CPA6: variants seen among roughly 807,000 people sequenced by gnomAD.
The protein encoded by CPA6 is carboxypeptidase B.
Under a neutral mutation model 63.3 loss-of-function variants are expected in CPA6, and 58 were observed. The observed-to-expected ratio is 0.92, with a 90% confidence interval of 0.74 to 1.14. CPA6 has a LOEUF of 1.14. Among genes scored for constraint, CPA6 ranks in the 50% most tolerant of loss-of-function variants. The pLI, the probability that CPA6 is intolerant of heterozygous loss-of-function variation, is 0.00. For missense variants in CPA6, 565 were observed against 526.6 expected, an observed-to-expected ratio of 1.07 and a Z score of -0.71; for synonymous variants, 185 against 179.0, an observed-to-expected ratio of 1.03 and a Z score of -0.27.
intron 1 of CPA6, among the ~76,000 whole-genome samples, chr8:67,679,271 C>G (rs764511884): frequency 3.9e-5 from 6 of 152,176 alleles, no homozygotes; most frequent in Non-Finnish European, 7.3e-5. Flanking sequence ...TATATATGTT[C>G]TATCTATCAC....
intron 8 of CPA6, among the ~76,000 whole-genome samples, chr8:67,445,289 A>G (rs942907416): frequency 2.6e-5 from 4 of 152,158 alleles, no homozygotes; most frequent in Admixed American, 6.5e-5. Context: ...ATGAAAAAAG[A>G]AAAAGAGGGA....
At chr8:67,487,175 G>A (rs1811497356) in intron 6 of CPA6, among the ~76,000 whole-genome samples, 1 of 151,988 alleles carries the variant, frequency 6.6e-6, no homozygotes. Flanking sequence ...ATTTACATTA[G>A]GTGTTTCTCC....
intron 2 of CPA6, among the ~76,000 whole-genome samples, chr8:67,520,610 G>C (rs1179533969): frequency 6.6e-6 from 1 of 152,158 alleles, no homozygotes; most frequent in Non-Finnish European, 1.5e-5. Flanking sequence ...ATTACCATCT[G>C]AGATTTATAA....
At chr8:67,590,470 C>T (rs57116999) in intron 2 of CPA6, among the ~76,000 whole-genome samples, 1 of 151,768 alleles carries the variant, frequency 6.6e-6, no homozygotes, top group African/African-American at 2.4e-5. Flanking sequence ...GCCACACTGA[C>T]TTCCACAATG....
chr8:67,446,937 TA>T (rs1810432081), intron 8 of CPA6, among the ~76,000 whole-genome samples: 1 of 152,040 alleles, frequency 6.6e-6, no homozygotes, highest in African/African-American at 2.4e-5. Context: ...CAAGTACACA[TA>T]TGTACTCACA....
chr8:67,610,970 G>C (rs553160077), intron 2 of CPA6, among the ~76,000 whole-genome samples: 4 of 151,954 alleles, frequency 2.6e-5, no homozygotes, highest in Non-Finnish European at 5.9e-5. Flanking sequence ...ATTTAGCAGA[G>C]TATTTAGCAC....
chr8:67,425,986 C>T (rs949132652), intron 10 of CPA6, among the ~76,000 whole-genome samples: 1 of 151,258 alleles, frequency 6.6e-6, no homozygotes, highest in Non-Finnish European at 1.5e-5. Flanking sequence ...AATCTCTGCT[C>T]CTGGGGTTCA....
intron 1 of CPA6, among the ~76,000 whole-genome samples, chr8:67,716,133 G>A (rs1817373174): frequency 7.5e-6 from 1 of 133,468 alleles, no homozygotes; most frequent in Admixed American, 7.8e-5. Flanking sequence ...CAGCCTGGGC[G>A]AGAGAGTGAG....
At chr8:67,424,669 A>G (rs1026447400) in intron 10 of CPA6, among the ~76,000 whole-genome samples, 1 of 152,202 alleles carries the variant, frequency 6.6e-6, no homozygotes, top group Non-Finnish European at 1.5e-5. Context: ...CTTTTGCTTT[A>G]GAACCCGAGG....
intron 1 of CPA6, among the ~76,000 whole-genome samples, chr8:67,628,799 C>T (rs181938347): frequency 1.7e-3 from 256 of 152,276 alleles, no homozygotes; most frequent in Non-Finnish European, 2.7e-3. Flanking sequence ...AAGTTAAGTT[C>T]CTATGGGCAT....
intron 6 of CPA6, among the ~76,000 whole-genome samples, chr8:67,500,094 C>T (rs1359454305): frequency 1.3e-5 from 2 of 152,122 alleles, no homozygotes; most frequent in Non-Finnish European, 2.9e-5. Flanking sequence ...ATAGCTCTAC[C>T]GTTTTACATT....
intron 1 of CPA6, among the ~76,000 whole-genome samples, chr8:67,625,623 T>C (rs972187735): frequency 1.3e-4 from 20 of 152,232 alleles, no homozygotes; most frequent in Admixed American, 1.2e-3. Context: ...TGAGAGTAAT[T>C]GGCTTCCAGA....
At chr8:67,613,837 C>T (rs759283401) in intron 2 of CPA6, among the ~76,000 whole-genome samples, 6 of 152,114 alleles carry the variant, frequency 3.9e-5, no homozygotes, top group African/African-American at 1.2e-4. Context: ...CCCTGAACAC[C>T]AGGCTTCAGA....
intron 8 of CPA6, among the ~76,000 whole-genome samples, chr8:67,452,814 T>C (rs1810584203): frequency 6.6e-6 from 1 of 152,144 alleles, no homozygotes; most frequent in Non-Finnish European, 1.5e-5. Context: ...GATGCTGGCT[T>C]TTGAGCAGAC....
At chr8:67,527,257 T>G (rs1252607396) in intron 2 of CPA6, among the ~76,000 whole-genome samples, 1 of 152,256 alleles carries the variant, frequency 6.6e-6, no homozygotes, top group Admixed American at 6.5e-5. Flanking sequence ...CATTTACATT[T>G]AAAAATTCTG....
chr8:67,583,087 T>C (rs369750213), intron 2 of CPA6, among the ~76,000 whole-genome samples: 2 of 151,598 alleles, frequency 1.3e-5, no homozygotes, highest in South Asian at 2.1e-4. Flanking sequence ...GTTTGGTGAA[T>C]AGTTTAGCAC....
chr8:67,675,858 T>C (rs866301473), intron 1 of CPA6, among the ~76,000 whole-genome samples: 14 of 152,280 alleles, frequency 9.2e-5, no homozygotes, highest in Middle Eastern at 3.4e-3. Flanking sequence ...TTTTAAGAGA[T>C]GGAGTCTCAC....
intron 1 of CPA6, among the ~76,000 whole-genome samples, chr8:67,728,079 A>C (rs1042669456): frequency 3.4e-5 from 3 of 88,630 alleles, no homozygotes; most frequent in African/African-American, 2.8e-4. Context: ...CTCTGTCTCA[A>C]AAAAAAAAAA....
intron 1 of CPA6, among the ~76,000 whole-genome samples, chr8:67,641,562 T>C (rs1156948060): frequency 2.0e-5 from 3 of 152,166 alleles, no homozygotes; most frequent in African/African-American, 2.4e-5. Flanking sequence ...GTAACAAAGG[T>C]ATAAGCTAAA....
Sources: gnomAD v4.1 joint callset for allele counts (sites outside exome capture counted in the v4.1 genomes callset) on GRCh38, gnomAD v4.1.1 for gene constraint, MANE v1.5 for transcripts, NCBI Gene and HGNC (gene_info 2026-07-23, HGNC 2026-07-21) for gene names.